MSH6: variants seen among roughly 807,000 people sequenced by gnomAD.
MSH6 encodes DNA mismatch repair protein Msh6.
Under a neutral mutation model 119.1 loss-of-function variants are expected in MSH6, and 85 were observed. The observed-to-expected ratio is 0.71, with a 90% CI of 0.60 to 0.85. The LOEUF is 0.85. Among genes scored for constraint, MSH6 ranks in the 40% least tolerant of loss-of-function variants. The pLI is 0.00. For missense variants in MSH6, 2,163 were observed against 1,655.3 expected, an observed-to-expected ratio of 1.31 and a Z score of -5.32; for synonymous variants, 830 against 586.9, an observed-to-expected ratio of 1.41 and a Z score of -5.99.
chr2:47,805,763 A>T, intron 7 of MSH6, 56 bp downstream of exon 7: 2 of 1,279,350 alleles, frequency 1.6e-6, no homozygotes, highest in Admixed American at 3.4e-5. Context: ...ATTTGTACAA[A>T]TAACTATTTT....
rs914343530 is a variant in MSH6, at chr2:47,783,533, G to C, written c.260+40G>C. The C allele has an allele frequency of 5.0e-6, 7 of 1,406,634 alleles. No homozygotes were observed. In the African/African-American group the frequency reaches 1.1e-4, roughly 21 times the overall value. The allele number at this position is 1,406,634 out of a possible 1,614,324, so 87.1% of individuals were successfully genotyped here. A position where few individuals can be genotyped will look rare whatever the true frequency, so the allele number is the denominator to read the frequency against. The stretch of plus-strand genomic sequence containing the variant: ...GTGGGGTCGAAGGCGGGGGCATAGC[G>C]GCGGGGCGCTTGGAACCCGGCGAGG... On this transcript the variant is annotated intron_variant, in intron 1 of 9. Coordinates refer to ENST00000234420, the MANE Select transcript of MSH6 (RefSeq NM_000179.3).
intron 2 of MSH6, among the ~76,000 whole-genome samples, chr2:47,793,889 C>T (rs1668911415): frequency 1.3e-5 from 2 of 151,756 alleles, no homozygotes; most frequent in South Asian, 4.1e-4. Flanking sequence ...CACCACCAGG[C>T]CCAGCTGATT....
chr2:47,783,594 C>T (rs267608030), intron 1 of MSH6, 101 bp downstream of exon 1: 5 of 1,231,414 alleles, frequency 4.1e-6, no homozygotes, highest in Non-Finnish European at 5.3e-6. Flanking sequence ...GGTGCACGGC[C>T]TGGCCCTGGG....
chr2:47,794,430 C>G (rs565751520), intron 2 of MSH6, among the ~76,000 whole-genome samples: 5 of 151,824 alleles, frequency 3.3e-5, no homozygotes, highest in African/African-American at 1.2e-4. Context: ...CACCACCACA[C>G]CTGGCTAATT....
chr2:47,795,592 A>G (rs1018505284), intron 2 of MSH6, among the ~76,000 whole-genome samples: 2 of 151,352 alleles, frequency 1.3e-5, no homozygotes, highest in African/African-American at 2.4e-5. Context: ...CAGCCTCCCA[A>G]GTAGCTGGGA....
intron 5 of MSH6, among the ~76,000 whole-genome samples, chr2:47,804,236 C>A (rs1231326780): frequency 1.3e-5 from 2 of 152,072 alleles, no homozygotes; most frequent in African/African-American, 4.8e-5. Flanking sequence ...TCAGCCTCCC[C>A]AGTAGCTGGG....
At chr2:47,788,915 TTTTTTTG>T (rs1558650184) in intron 1 of MSH6, among the ~76,000 whole-genome samples, 1,895 of 59,046 alleles carry the variant, frequency 0.032, 190 homozygotes, top group South Asian at 0.045. Context: ...TCCTTTTTTT[TTTTTTTG>T]TTTTTTTTTT....
At chr2:47,786,054 A>C (rs918236862) in intron 1 of MSH6, among the ~76,000 whole-genome samples, 1 of 151,098 alleles carries the variant, frequency 6.6e-6, no homozygotes, top group Non-Finnish European at 1.5e-5. Context: ...CAAAGAGGCA[A>C]TTGTAGACTC....
chr2:47,802,719 C>G (rs1010035748), intron 4 of MSH6, among the ~76,000 whole-genome samples: 1 of 150,106 alleles, frequency 6.7e-6, no homozygotes, highest in Non-Finnish European at 1.5e-5. Flanking sequence ...GATCTGAACG[C>G]AAGTATCTAA....
At chr2:47,801,334 T>C (rs1242830126) in intron 4 of MSH6, 179 bp downstream of exon 4, 3 of 521,636 alleles carry the variant, frequency 5.8e-6, no homozygotes, top group Non-Finnish European at 1.0e-5. Flanking sequence ...CTCGCTTTTA[T>C]CTTAGTAGCC....
intron 6 of MSH6, 61 bp from the exon 7 acceptor site, chr2:47,805,557 A>G (rs1390502213): frequency 9.2e-7 from 1 of 1,087,668 alleles, no homozygotes; most frequent in Non-Finnish European, 1.4e-6. Context: ...AACCTAGAAG[A>G]TGAATTTATG....
rs893532010 is a variant in MSH6 at position 47,790,846 on chromosome 2, G to C, written c.261-81G>C. On this transcript the variant is annotated intron_variant, in intron 1 of 9. Coordinates refer to ENST00000234420, the MANE Select transcript of MSH6 (RefSeq NM_000179.3). ...TTCAATATTAATGCCAGAAGACTTG[G>C]AATTGTTTATTTGTAGGTAACTGCC... 19 of 1,250,062 alleles carry C rather than the reference G, an allele frequency of 1.5e-5. No individual in the cohort carries two copies. The African/African-American group carries it at 2.5e-4, about 16-fold the overall frequency. The allele number at this position is 1,250,062 out of a possible 1,614,324, so 77.4% of individuals were successfully genotyped here.
At chr2:47,790,066 G>A (rs1668635160) in intron 1 of MSH6, among the ~76,000 whole-genome samples, 1 of 152,142 alleles carries the variant, frequency 6.6e-6, no homozygotes, top group African/African-American at 2.4e-5. Flanking sequence ...CCAAGGATAT[G>A]TTTGTTGAGC....
At position 47,791,140 on chromosome 2, in the gene MSH6, C is replaced by T. The variant is rs1553410394; in HGVS notation, c.457+17C>T. On this transcript the variant is annotated intron_variant, in intron 2 of 9. Transcript: ENST00000234420. ...CATATACAGGTAAGAGTCACTACTGCCATGTGTGTGTGTTTGTGTGTGTGT... is the reference window on the plus strand; with the variant it reads ...CATATACAGGTAAGAGTCACTACTGTCATGTGTGTGTGTTTGTGTGTGTGT... The T allele has an allele frequency of 2.5e-6, 4 of 1,604,602 alleles. No individual in the cohort carries two copies. Among genetic ancestry groups the T allele is most frequent in the Non-Finnish European group, 3.4e-6 (4 of 1,172,256 alleles).
chr2:47,808,943 C>G (rs571902729), downstream of MSH6: 14 of 413,148 alleles, frequency 3.4e-5, no homozygotes, highest in East Asian at 6.1e-4. Context: ...GTGATCCTCC[C>G]ACTTCAGCCT....
intron 6 of MSH6, among the ~76,000 whole-genome samples, 175 bp from the exon 7 acceptor site, chr2:47,805,443 G>T (rs967925333): frequency 6.6e-6 from 1 of 152,094 alleles, no homozygotes; most frequent in Non-Finnish European, 1.5e-5. Flanking sequence ...CTCCCAAAGT[G>T]CTGGGATTAC....
At chr2:47,807,252 CTGTT>C (rs564683969), downstream of MSH6, 3 of 229,808 alleles carry the variant, frequency 1.3e-5, no homozygotes, top group East Asian at 6.5e-5. Flanking sequence ...AAATACAGGA[CTGTT>C]TGTTTTGAAG....
At chr2:47,804,425 A>G (rs1423217016) in intron 5 of MSH6, among the ~76,000 whole-genome samples, 1 of 152,150 alleles carries the variant, frequency 6.6e-6, no homozygotes, top group Non-Finnish European at 1.5e-5. Flanking sequence ...CTCCTGCATT[A>G]TAGTATACTT....
chr2:47,796,448 C>G (rs545913118), intron 3 of MSH6, among the ~76,000 whole-genome samples: 2 of 152,240 alleles, frequency 1.3e-5, no homozygotes, highest in African/African-American at 4.8e-5. Context: ...TGCTATGTTG[C>G]CCAGGCTGGT....
Sources: allele counts gnomAD v4.1 joint callset (sites outside exome capture counted in the v4.1 genomes callset), GRCh38; gene constraint gnomAD v4.1.1; transcripts MANE v1.5; gene names NCBI Gene and HGNC (gene_info 2026-07-23, HGNC 2026-07-21).